The following LRRC7 variants were observed in gnomAD, a reference collection of about 807,000 sequenced individuals.
LRRC7 encodes leucine-rich repeat-containing protein 7.
In LRRC7, 23 loss-of-function variants were observed where a neutral mutation model predicts 175.7. The observed-to-expected ratio is 0.13, with a 90% CI of 0.09 to 0.19. The LOEUF is 0.19. Among genes scored for constraint, LRRC7 ranks in the 10% least tolerant of loss-of-function variants. LRRC7 has a pLI of 1.00. For missense variants in LRRC7, 1,354 were observed against 1,904.7 expected (o/e 0.71, Z 5.38); for synonymous variants, 685 against 680.9 (o/e 1.01, Z -0.09).
intron 1 of LRRC7, among the ~76,000 whole-genome samples, chr1:69,602,911 A>T (rs1245199534): frequency 1.3e-5 from 2 of 152,206 alleles, no homozygotes; most frequent in African/African-American, 4.8e-5. Flanking sequence ...AGTATTCAGG[A>T]TAGTAACCTG....
rs1667129286 is a variant in LRRC7, at chr1:70,143,009, G to A, written c.*21122G>A. ...AATCCTTTTACTACTCTATAAAGAAGTTCTACTTCTACCTATATGAATTTG... is the reference window on the plus strand; with the variant it reads ...AATCCTTTTACTACTCTATAAAGAAATTCTACTTCTACCTATATGAATTTG... On this transcript the variant is annotated 3_prime_UTR_variant, in exon 27 of 27. Transcript: ENST00000651989. 1 of 151,906 alleles carries A rather than the reference G, an allele frequency of 6.6e-6. No individual in the cohort carries two copies. Among genetic ancestry groups the A allele is most frequent in the Non-Finnish European group, 1.5e-5 (1 of 67,952 alleles). The allele number at this position is 151,906 out of a possible 1,614,324, so 9.4% of individuals were successfully genotyped here.
intron 11 of LRRC7, among the ~76,000 whole-genome samples, chr1:70,009,383 T>G (rs1656288917): frequency 6.9e-6 from 1 of 145,442 alleles, no homozygotes; most frequent in Non-Finnish European, 1.5e-5. Context: ...AGAAACAAAC[T>G]CTGTTACTAG....
At chr1:69,733,341 T>C (rs1387908666) in intron 2 of LRRC7, among the ~76,000 whole-genome samples, 1 of 152,016 alleles carries the variant, frequency 6.6e-6, no homozygotes, top group African/African-American at 2.4e-5. Flanking sequence ...AACATGACTT[T>C]CTTCAGATTA....
chr1:69,738,470 A>G (rs1236355059), intron 2 of LRRC7, among the ~76,000 whole-genome samples: 1 of 151,938 alleles, frequency 6.6e-6, no homozygotes, highest in Non-Finnish European at 1.5e-5. Flanking sequence ...TTGTTTTTCT[A>G]TTATCAATTC....
At chr1:69,807,311 G>C (rs1031671566) in intron 4 of LRRC7, among the ~76,000 whole-genome samples, 1 of 151,894 alleles carries the variant, frequency 6.6e-6, no homozygotes, top group African/African-American at 2.4e-5. Flanking sequence ...AATTAATATT[G>C]TTATGTGTGT....
chr1:69,939,973 T>C (rs1648545008), intron 8 of LRRC7, among the ~76,000 whole-genome samples: 2 of 152,046 alleles, frequency 1.3e-5, no homozygotes, highest in Non-Finnish European at 2.9e-5. Flanking sequence ...TCCAAATGAG[T>C]TTCTTGATGA....
intron 25 of LRRC7, among the ~76,000 whole-genome samples, chr1:70,098,386 C>T (rs1214586509): frequency 6.6e-6 from 1 of 150,590 alleles, no homozygotes; most frequent in Non-Finnish European, 1.5e-5. Context: ...CCAAAATTGA[C>T]ACCCTAACAT....
chr1:69,791,947 C>A, intron 3 of LRRC7, 96 bp from the exon 4 acceptor site: 2 of 753,628 alleles, frequency 2.7e-6, no homozygotes, highest in South Asian at 1.8e-5. Context: ...TCTTTTACTA[C>A]TACATATATA....
At chr1:69,640,648 T>A (rs1458440251) in intron 1 of LRRC7, among the ~76,000 whole-genome samples, 1 of 149,344 alleles carries the variant, frequency 6.7e-6, no homozygotes, top group Non-Finnish European at 1.5e-5. Context: ...CATTTTTTTT[T>A]AATTCTAACT....
intron 26 of LRRC7, among the ~76,000 whole-genome samples, chr1:70,120,703 A>C (rs530060189): frequency 6.6e-6 from 1 of 152,234 alleles, no homozygotes; most frequent in Non-Finnish European, 1.5e-5. Flanking sequence ...GTCCATTGAA[A>C]ATTGAAGAAG....
At chr1:69,830,355 C>G (rs1306241253) in intron 5 of LRRC7, among the ~76,000 whole-genome samples, 1 of 151,774 alleles carries the variant, frequency 6.6e-6, no homozygotes, top group Non-Finnish European at 1.5e-5. Context: ...TTACTAATAG[C>G]TGCCTTTTTA....
At chr1:70,106,960 A>C (rs1665187794) in intron 25 of LRRC7, among the ~76,000 whole-genome samples, 1 of 152,214 alleles carries the variant, frequency 6.6e-6, no homozygotes, top group African/African-American at 2.4e-5. Context: ...ACTTGTCACA[A>C]TGTTTATAAT....
intron 26 of LRRC7, among the ~76,000 whole-genome samples, chr1:70,109,311 T>A (rs1157239698): frequency 1.3e-5 from 2 of 152,138 alleles, no homozygotes; most frequent in Non-Finnish European, 2.9e-5. Context: ...CATGAGCCAC[T>A]GCGCCCGGCC....
At chr1:69,928,656 T>C (rs896278302) in intron 7 of LRRC7, among the ~76,000 whole-genome samples, 1 of 152,190 alleles carries the variant, frequency 6.6e-6, no homozygotes, top group Non-Finnish European at 1.5e-5. Flanking sequence ...TTAAGCCCAT[T>C]GGAAAAGAGC....
rs1656963529 is a variant in LRRC7, at chr1:70,016,364, GA to G, written c.1251-97del. 1.1e-5 allele frequency: 9 copies of G among 838,626 alleles called. 1 individual carries two copies. The South Asian group carries it at 2.4e-4, about 22-fold the overall frequency. 51.9% of individuals were successfully genotyped at this position (838,626 alleles called of 1,614,324 possible). A position where few individuals can be genotyped will look rare whatever the true frequency, so the allele number is the denominator to read the frequency against. On this transcript the variant is annotated intron_variant, in intron 13 of 26. Coordinates refer to ENST00000651989, the MANE Select transcript of LRRC7 (RefSeq NM_001370785.2). ...GCTGCTCAATGGAGAAGGGATTCAAGAAAAGAATGAAACCAACAAGTTAGAG... is the reference window on the plus strand; with the variant it reads ...GCTGCTCAATGGAGAAGGGATTCAAGAAAGAATGAAACCAACAAGTTAGAG...
At chr1:69,674,453 A>G (rs1035573203) in intron 1 of LRRC7, among the ~76,000 whole-genome samples, 2 of 152,176 alleles carry the variant, frequency 1.3e-5, no homozygotes, top group South Asian at 4.1e-4. Context: ...TGGTAAAGTA[A>G]ATGAAGTAAT....
In LRRC7 at chr1:69,694,583, C is replaced by T. The variant is rs143806946; in HGVS notation, c.100+16105C>T. On this transcript the variant is annotated intron_variant, in intron 2 of 26. Transcript: ENST00000651989. Reference sequence around the variant, plus strand: ...TTCCCTCCAAATTTCATGTTGAAATCTGACCTTCAAAGTTAGAAGTGGGCC... The same window carrying T: ...TTCCCTCCAAATTTCATGTTGAAATTTGACCTTCAAAGTTAGAAGTGGGCC... Among the ~76,000 whole-genome samples, 74 of 152,240 alleles carry T rather than the reference C, an allele frequency of 4.9e-4. 1 individual carries two copies. The East Asian group carries it at 0.014, about 29-fold the overall frequency.
At chr1:69,582,937 T>C (rs910997623) in intron 1 of LRRC7, among the ~76,000 whole-genome samples, 2 of 152,106 alleles carry the variant, frequency 1.3e-5, no homozygotes, top group Non-Finnish European at 2.9e-5. Flanking sequence ...TTTTGCCCTA[T>C]TTTCCTAAGT....
chr1:69,819,189 C>A (rs1678941608), intron 4 of LRRC7, among the ~76,000 whole-genome samples: 1 of 151,890 alleles, frequency 6.6e-6, no homozygotes, highest in Non-Finnish European at 1.5e-5. Flanking sequence ...CTTAATTTGG[C>A]ATTTATTTCT....
Sources: gnomAD v4.1 joint callset for allele counts (sites outside exome capture counted in the v4.1 genomes callset) on GRCh38, gnomAD v4.1.1 for gene constraint, MANE v1.5 for transcripts, NCBI Gene and HGNC (gene_info 2026-07-23, HGNC 2026-07-21) for gene names.